RB1: variants seen among roughly 807,000 people sequenced by gnomAD.
RB1 encodes the protein retinoblastoma-associated protein.
A neutral mutation model predicts 135.4 loss-of-function variants in RB1; 18 were observed. The observed-to-expected ratio is 0.13, with a 90% confidence interval of 0.09 to 0.20. RB1 has a LOEUF of 0.20. Ranked by LOEUF, RB1 falls within the 10% of genes least tolerant of loss-of-function variation. The pLI is 1.00. For missense variants in RB1, 868 were observed against 1,110.0 expected (o/e 0.78, Z 3.10); for synonymous variants, 365 against 373.2 (o/e 0.98, Z 0.25).
chr13:48,421,201 AC>A (rs2138242429), intron 17 of RB1, among the ~76,000 whole-genome samples: 1 of 152,320 alleles, frequency 6.6e-6, no homozygotes, highest in African/African-American at 2.4e-5. Flanking sequence ...GACCAATGGA[AC>A]AGAAGAGAGG....
chr13:48,326,806 A>G (rs989453783), intron 2 of RB1, among the ~76,000 whole-genome samples: 11 of 152,032 alleles, frequency 7.2e-5, no homozygotes, highest in Non-Finnish European at 1.5e-4. Context: ...AAATTTTTAT[A>G]CTGTATTTTT....
chr13:48,440,156 T>TA (rs1949223017), intron 17 of RB1, among the ~76,000 whole-genome samples: 1 of 152,178 alleles, frequency 6.6e-6, no homozygotes, highest in Non-Finnish European at 1.5e-5. Flanking sequence ...CATGCATGTT[T>TA]AATAAAGCTT....
At chr13:48,321,140 G>T (rs1242355217) in intron 2 of RB1, among the ~76,000 whole-genome samples, 1 of 152,042 alleles carries the variant, frequency 6.6e-6, no homozygotes, top group East Asian at 1.9e-4. Flanking sequence ...CGCTGACCCT[G>T]CCTGCGCTTG....
At chr13:48,418,983 A>G (rs984114670) in intron 17 of RB1, among the ~76,000 whole-genome samples, 2 of 152,168 alleles carry the variant, frequency 1.3e-5, no homozygotes, top group Admixed American at 6.5e-5. Flanking sequence ...GATCAATGAG[A>G]CAGAAAATTA....
rs762766187 is a variant in RB1, at chr13:48,304,062, A to G, written c.137+13A>G. On this transcript the variant is annotated intron_variant, in intron 1 of 26. Transcript: ENST00000267163. ...TGCCTCTCGTCAGGTGAGCGAGCAG[A>G]GCCGCCGTCGCCTCACGCGGGAAGG... 1 of 1,414,238 alleles carries G rather than the reference A, an allele frequency of 7.1e-7. No individual in the cohort carries two copies. Among genetic ancestry groups the G allele is most frequent in the Non-Finnish European group, 9.2e-7 (1 of 1,092,828 alleles). The allele number at this position is 1,414,238 out of a possible 1,614,324, so 87.6% of individuals were successfully genotyped here.
intron 17 of RB1, among the ~76,000 whole-genome samples, chr13:48,443,001 A>C (rs1355759430): frequency 6.6e-6 from 1 of 152,142 alleles, no homozygotes; most frequent in East Asian, 1.9e-4. Flanking sequence ...TGACCAAGAT[A>C]TCAATTAATA....
chr13:48,368,733 TGGTG>T, intron 11 of RB1, 129 bp downstream of exon 11: 7 of 1,351,052 alleles, frequency 5.2e-6, no homozygotes, highest in Non-Finnish European at 5.9e-6. Context: ...AGGCCAGGTG[TGGTG>T]GATCACACCT....
chr13:48,368,792 G>T (rs1952730052), intron 11 of RB1, among the ~76,000 whole-genome samples, 188 bp downstream of exon 11: 1 of 152,160 alleles, frequency 6.6e-6, no homozygotes, highest in Non-Finnish European at 1.5e-5. Context: ...GATCACCTGA[G>T]GTTAGGAGTT....
At chr13:48,431,929 C>G (rs767929511) in intron 17 of RB1, among the ~76,000 whole-genome samples, 10 of 151,968 alleles carry the variant, frequency 6.6e-5, no homozygotes, top group Non-Finnish European at 1.3e-4. Context: ...TTGAGTGTAA[C>G]TGTGTACCAG....
intron 2 of RB1, chr13:48,317,700 G>A (rs3825417): frequency 0.74 from 379,820 of 511,124 alleles, 150,739 homozygotes; most frequent in Non-Finnish European, 0.84. Flanking sequence ...CCCCTTGGGC[G>A]GGAGCAGCGG....
At chr13:48,345,318 TC>T (rs1952483035) in intron 4 of RB1, 119 bp downstream of exon 4, 1 of 1,164,362 alleles carries the variant, frequency 8.6e-7, no homozygotes, top group Non-Finnish European at 1.2e-6. Context: ...CTTAGACTTG[TC>T]CCTTTTAATG....
chr13:48,431,553 C>A (rs774683775), intron 17 of RB1, among the ~76,000 whole-genome samples: 2 of 152,140 alleles, frequency 1.3e-5, no homozygotes, highest in Non-Finnish European at 2.9e-5. Context: ...AGCAAAATTT[C>A]TGTGGTTACT....
intron 17 of RB1, among the ~76,000 whole-genome samples, chr13:48,436,401 G>T (rs796548727): frequency 1.4e-4 from 22 of 152,264 alleles, no homozygotes; most frequent in African/African-American, 4.8e-4. Context: ...TCAGCACTTT[G>T]AGAGGCCAAG....
intron 10 of RB1, 130 bp downstream of exon 10, chr13:48,367,733 T>C (rs1363136835): frequency 7.3e-6 from 8 of 1,094,876 alleles, no homozygotes; most frequent in Non-Finnish European, 1.0e-5. Flanking sequence ...AATGTCTTTA[T>C]ACAAAGAAAA....
intron 2 of RB1, among the ~76,000 whole-genome samples, chr13:48,325,573 C>T (rs1952280649): frequency 6.6e-6 from 1 of 152,208 alleles, no homozygotes; most frequent in Non-Finnish European, 1.5e-5. Flanking sequence ...CACTTCTCTT[C>T]AGAGGCAACT....
chr13:48,436,589 G>T (rs1249293233), intron 17 of RB1, among the ~76,000 whole-genome samples: 1 of 152,020 alleles, frequency 6.6e-6, no homozygotes, highest in Non-Finnish European at 1.5e-5. Flanking sequence ...GTTGCAGTGA[G>T]CCAAGATTGC....
chr13:48,369,804 A>G (rs1355794593), intron 11 of RB1, among the ~76,000 whole-genome samples: 3 of 152,178 alleles, frequency 2.0e-5, no homozygotes, highest in African/African-American at 7.2e-5. Flanking sequence ...GAAGTATTTT[A>G]TTATTTCTCA....
intron 17 of RB1, among the ~76,000 whole-genome samples, chr13:48,447,306 G>T (rs1360896388): frequency 6.6e-6 from 1 of 152,040 alleles, no homozygotes; most frequent in Non-Finnish European, 1.5e-5. Context: ...TGTTGAGTAA[G>T]GTCAAATAGG....
chr13:48,337,232 CT>C (rs1386604978), intron 2 of RB1, among the ~76,000 whole-genome samples: 1 of 152,072 alleles, frequency 6.6e-6, no homozygotes, highest in African/African-American at 2.4e-5. Flanking sequence ...CCTGGATATC[CT>C]TGTTAACGTT....
Sources: allele counts gnomAD v4.1 joint callset (sites outside exome capture counted in the v4.1 genomes callset), GRCh38; gene constraint gnomAD v4.1.1; transcripts MANE v1.5; gene names NCBI Gene and HGNC (gene_info 2026-07-23, HGNC 2026-07-21).